Variants in OPCML observed in about 807,000 individuals in gnomAD.
OPCML encodes the protein opioid-binding protein/cell adhesion molecule.
A neutral mutation model predicts 37.8 loss-of-function variants in OPCML; 13 were observed. The ratio of observed to expected loss-of-function variants is 0.34; its 90% CI spans 0.22 to 0.55. The LOEUF (loss-of-function observed/expected upper bound fraction) is 0.55, where lower values mean the gene tolerates loss of function less well. Ranked by LOEUF, OPCML falls within the 20% of genes least tolerant of loss-of-function variation. The probability of loss-of-function intolerance (pLI) is 0.91; values close to 1 mark genes in which losing one functional copy is unlikely to be tolerated. For missense variants in OPCML, 341 were observed against 435.6 expected (o/e 0.78, Z 1.93); for synonymous variants, 176 against 168.8 (o/e 1.04, Z -0.33).
intron 1 of OPCML, among the ~76,000 whole-genome samples, chr11:132,986,859 T>C (rs1008018911): frequency 1.3e-5 from 2 of 152,236 alleles, no homozygotes; most frequent in African/African-American, 4.8e-5. Flanking sequence ...ATTAAGCATA[T>C]CTACAGAAGA....
intron 3 of OPCML, among the ~76,000 whole-genome samples, chr11:132,557,402 G>C (rs1343271694): frequency 6.6e-6 from 1 of 152,164 alleles, no homozygotes; most frequent in African/African-American, 2.4e-5. Context: ...TTTCTTCCTT[G>C]ATTAACCCTG....
chr11:132,898,963 G>A (rs898696265), intron 2 of OPCML, among the ~76,000 whole-genome samples: 2 of 152,024 alleles, frequency 1.3e-5, no homozygotes, highest in African/African-American at 4.8e-5. Flanking sequence ...TCCACTGGAT[G>A]TAAGGAAGAC....
At chr11:132,899,707 G>GGA (rs1943979694) in intron 2 of OPCML, among the ~76,000 whole-genome samples, 2 of 152,192 alleles carry the variant, frequency 1.3e-5, no homozygotes, top group East Asian at 3.9e-4. Flanking sequence ...GATTTCCAGA[G>GGA]GAGACTGGCA....
chr11:133,083,045 C>A (rs897136076), intron 1 of OPCML, among the ~76,000 whole-genome samples: 2 of 140,168 alleles, frequency 1.4e-5, no homozygotes, highest in African/African-American at 5.2e-5. Context: ...CAGCCACTGC[C>A]TGGTGGAGCC....
intron 2 of OPCML, among the ~76,000 whole-genome samples, chr11:132,770,493 C>A (rs1946600744): frequency 6.6e-6 from 1 of 152,106 alleles, no homozygotes; most frequent in Admixed American, 6.5e-5. Flanking sequence ...GGTCTCTTCC[C>A]AACTTCCCCA....
At chr11:132,799,784 G>C (rs1331578179) in intron 2 of OPCML, among the ~76,000 whole-genome samples, 1 of 152,076 alleles carries the variant, frequency 6.6e-6, no homozygotes, top group African/African-American at 2.4e-5. Flanking sequence ...AAGGATGCCT[G>C]TTTATGTCTG....
intron 1 of OPCML, chr11:133,009,005 C>A: frequency 1.0e-6 from 1 of 985,434 alleles, no homozygotes; most frequent in Non-Finnish European, 1.2e-6. Context: ...GGATTAATCT[C>A]TATTTGACAT....
In OPCML at chr11:133,141,045, C is replaced by CGAAGAA. The variant is rs1439158073; in HGVS notation, c.62-198036_62-198035insTTCTTC. 2.1e-3 allele frequency among the ~76,000 whole-genome samples: 7 copies of CGAAGAA among 3,342 alleles called. 3 individuals are homozygous for CGAAGAA. The highest frequency in any genetic ancestry group is 0.014 in the Admixed American group (2 of 140). The allele number at this position is 3,342 out of a possible 152,430, so 2.2% of individuals were successfully genotyped here. On this transcript the variant is annotated intron_variant, in intron 1 of 7. Transcript: ENST00000524381. The stretch of plus-strand genomic sequence containing the variant: ...ACGACGACGACGACGACGACGACGA[C>CGAAGAA]GACGAAGAAGAAGAAGAAGAAGAAG...
chr11:133,480,909 G>A (rs7935298), intron 1 of OPCML, among the ~76,000 whole-genome samples: 55,168 of 152,180 alleles, frequency 0.36, 15,285 homozygotes, highest in African/African-American at 0.78. Context: ...CTTTGTGTAT[G>A]AAGTCTCACT....
At chr11:132,579,576 C>G (rs2096458144) in intron 3 of OPCML, among the ~76,000 whole-genome samples, 1 of 152,128 alleles carries the variant, frequency 6.6e-6, no homozygotes, top group African/African-American at 2.4e-5. Context: ...TCAGAGGTCT[C>G]TCCTGCTCAT....
intron 1 of OPCML, among the ~76,000 whole-genome samples, chr11:133,221,665 T>C (rs2136364540): frequency 6.6e-6 from 1 of 152,302 alleles, no homozygotes; most frequent in Admixed American, 6.5e-5. Flanking sequence ...GGTTGCTGCA[T>C]TCACCTCTGG....
At chr11:132,508,663 C>T (rs1397058933) in intron 4 of OPCML, among the ~76,000 whole-genome samples, 1 of 152,140 alleles carries the variant, frequency 6.6e-6, no homozygotes, top group Non-Finnish European at 1.5e-5. Flanking sequence ...CTTATGAGAT[C>T]TAATGGGCAA....
chr11:133,031,774 A>G (rs915019084), intron 1 of OPCML, among the ~76,000 whole-genome samples: 10 of 148,888 alleles, frequency 6.7e-5, no homozygotes, highest in African/African-American at 2.0e-4. Context: ...CAGAAAAAAA[A>G]TTTTCTCCCT....
chr11:132,607,491 C>T (rs375357904), intron 3 of OPCML, among the ~76,000 whole-genome samples: 156 of 152,294 alleles, frequency 1.0e-3, no homozygotes, highest in African/African-American at 3.6e-3. Flanking sequence ...TGAGTTGGGT[C>T]GGGCCTGTGG....
rs78528997 is a variant in OPCML, at chr11:132,514,774, G to A, written c.505+14287C>T. 3.6e-3 allele frequency among the ~76,000 whole-genome samples: 543 copies of A among 152,282 alleles called. 2 individuals carry two copies. The highest frequency in any genetic ancestry group is 5.7e-3 in the Non-Finnish European group (387 of 68,032). Reference sequence around the variant, plus strand: ...TGGGTCAGGAGTAAAAAGAAGAAGAGTGCAGAGTAGGGGAGAGAAAGAGGA... The same window carrying A: ...TGGGTCAGGAGTAAAAAGAAGAAGAATGCAGAGTAGGGGAGAGAAAGAGGA... On this transcript the variant is annotated intron_variant, in intron 4 of 7. Transcript: ENST00000524381.
At chr11:133,493,328 C>T (rs1947707443) in intron 1 of OPCML, among the ~76,000 whole-genome samples, 1 of 152,218 alleles carries the variant, frequency 6.6e-6, no homozygotes, top group Admixed American at 6.5e-5. Flanking sequence ...GCCATTATTA[C>T]ACAAATGACA....
In OPCML at chr11:133,529,660, T is replaced by C. The variant is rs1948563104; in HGVS notation, c.61+2604A>G. Among the ~76,000 whole-genome samples, 3 of 152,342 alleles carry C rather than the reference T, an allele frequency of 2.0e-5. No homozygotes were observed. The South Asian group carries it at 6.2e-4, about 32-fold the overall frequency. ...ATAGAAGCTGCAGAATAAAATGGCA[T>C]TGAGGCCTAACCAGGTCAAGGTTCC... On this transcript the variant is annotated intron_variant, in intron 1 of 7. Coordinates refer to ENST00000524381, the MANE Select transcript of OPCML (RefSeq NM_001012393.5).
chr11:132,657,172 C>T lies in OPCML; in HGVS notation c.294G>A (p.Val98=), dbSNP rs1373742367. Residue 98 remains valine, a synonymous_variant, in exon 3 of 8, where the codon GTG becomes GTA. Coordinates refer to ENST00000524381, the MANE Select transcript of OPCML (RefSeq NM_001012393.5). ...TGTACGGACCTTCGTCATACACATC[C>T]ACATTTTGGATCATGATGCTGTACT... The part of the protein sequence containing the change: ...PTQYSIMIQN[V]DVYDEGPYTC... 6.2e-7 allele frequency: 1 copy of T among 1,614,206 alleles called. No homozygotes were observed.
chr11:133,221,518 G>T (rs182504021), intron 1 of OPCML, among the ~76,000 whole-genome samples: 3 of 152,300 alleles, frequency 2.0e-5, no homozygotes, highest in South Asian at 4.1e-4. Context: ...CGTCCATGGT[G>T]GGGGGTATTC....
Sources: allele counts gnomAD v4.1 joint callset (sites outside exome capture counted in the v4.1 genomes callset), GRCh38; gene constraint gnomAD v4.1.1; transcripts MANE v1.5; gene names NCBI Gene and HGNC (gene_info 2026-07-23, HGNC 2026-07-21).